Variants in SERPINA3 observed in about 807,000 individuals in gnomAD.
SERPINA3 encodes the protein alpha-1-antichymotrypsin.
In SERPINA3, 32 loss-of-function variants were observed where a neutral mutation model predicts 26.8. That is an observed-to-expected ratio of 1.20 (90% CI 0.90 to 1.61). The LOEUF is 1.61. Ranked by LOEUF, SERPINA3 falls within the 40% of genes most tolerant of loss-of-function variation. SERPINA3 has a pLI of 0.00. For synonymous variants in SERPINA3, 252 were observed against 206.4 expected, an observed-to-expected ratio of 1.22 and a Z score of -1.89; for missense variants, 632 against 517.9, an observed-to-expected ratio of 1.22 and a Z score of -2.14.
At chr14:94,618,858 A>G in intron 2 of SERPINA3, 1 of 452,598 alleles carries the variant, frequency 2.2e-6, no homozygotes. Flanking sequence ...AGGCTGTCCC[A>G]TTTCTCCTCA....
At chr14:94,613,539 C>T (rs1210586061) in intron 1 of SERPINA3, 1 of 152,210 alleles carries the variant, frequency 6.6e-6, no homozygotes, top group East Asian at 1.9e-4. Context: ...CATCATTTAT[C>T]TCACCTGAGC....
chr14:94,623,958 C>A lies in SERPINA3; in HGVS notation c.*144C>A. 3 of 763,002 alleles carry A rather than the reference C, an allele frequency of 3.9e-6. No individual in the cohort carries two copies. Among genetic ancestry groups the A allele is most frequent in the Admixed American group, 3.8e-5 (2 of 52,124 alleles). 47.3% of individuals were successfully genotyped at this position (763,002 alleles called of 1,614,324 possible). A position where few individuals can be genotyped will look rare whatever the true frequency, so the allele number is the denominator to read the frequency against. The stretch of plus-strand genomic sequence containing the variant: ...TCTGCTTATCCTTGGAAGGTGACAG[C>A]GATTCCCTGTGTAGCTCTCACATGC... On this transcript the variant is annotated 3_prime_UTR_variant, in exon 5 of 5. Transcript: ENST00000393078.
intron 2 of SERPINA3, chr14:94,618,455 G>A (rs1305026276): frequency 6.5e-6 from 1 of 152,784 alleles, no homozygotes; most frequent in East Asian, 1.9e-4. Context: ...CAGCCTGACA[G>A]ACACTGAATC....
chr14:94,614,695 C>T lies in SERPINA3; in HGVS notation c.254C>T (p.Ala85Val). Residue 85 changes from alanine to valine, a missense_variant, in exon 2 of 5, where the codon GCC becomes GTC. Physicochemically the swap from Ala to Val is moderately conservative, Grantham distance 64. Coordinates refer to ENST00000393078, the MANE Select transcript of SERPINA3 (RefSeq NM_001085.5). Reference sequence around the variant, plus strand: ...CCACTGAGCATCTCCACCGCCTTGGCCTTCCTGTCTCTGGGGGCCCATAAT... The same window carrying T: ...CCACTGAGCATCTCCACCGCCTTGGTCTTCCTGTCTCTGGGGGCCCATAAT... ...FSPLSISTALAFLSLGAHNTT... is the reference protein window; with the variant it reads ...FSPLSISTALVFLSLGAHNTT... 6.2e-7 allele frequency: 1 copy of T among 1,614,178 alleles called. No homozygotes were observed. Among genetic ancestry groups the T allele is most frequent in the African/African-American group, 1.3e-5 (1 of 75,040 alleles).
chr14:94,615,773 G>C (rs1885972561), intron 2 of SERPINA3, among the ~76,000 whole-genome samples: 1 of 152,220 alleles, frequency 6.6e-6, no homozygotes, highest in African/African-American at 2.4e-5. Flanking sequence ...AACTGGTCCA[G>C]TGCCCAATCC....
At position 94,622,384 on chromosome 14, in the gene SERPINA3, G is replaced by T. The variant is rs778637464; in HGVS notation, c.961G>T (p.Asp321Tyr). The T allele has an allele frequency of 6.2e-7, 1 of 1,614,058 alleles. No homozygotes were observed. Among genetic ancestry groups the T allele is most frequent in the Non-Finnish European group, 8.5e-7 (1 of 1,180,020 alleles). Residue 321 changes from aspartate to tyrosine, a missense_variant, in exon 4 of 5, where the codon GAC (aspartate) becomes TAC (tyrosine). By Grantham distance (160) the Asp-to-Tyr change is radical. Transcript: ENST00000393078. ...LYLPKFSISR[D>Y]YNLNDILLQL... is the part of the protein sequence containing the mutation. Reference sequence around the variant, plus strand: ...CCTGCCAAAGTTTTCCATCTCGAGGGACTATAACCTGAACGACATACTTCT... The same window carrying T: ...CCTGCCAAAGTTTTCCATCTCGAGGTACTATAACCTGAACGACATACTTCT...
At chr14:94,615,148 A>G in intron 2 of SERPINA3, 64 bp downstream of exon 2, 1 of 1,576,894 alleles carries the variant, frequency 6.3e-7, no homozygotes. Context: ...TCCTGACTCA[A>G]CAATGGTGTT....
intron 2 of SERPINA3, 109 bp from the exon 3 acceptor site, chr14:94,619,086 C>A: frequency 1.6e-6 from 2 of 1,261,486 alleles, no homozygotes; most frequent in Non-Finnish European, 2.3e-6. Context: ...TAAACCAAAG[C>A]AGGGTCCCTC....
chr14:94,618,572 T>G lies in SERPINA3; in HGVS notation c.644-623T>G, dbSNP rs990513292. The G allele has an allele frequency of 2.4e-5, 4 of 167,872 alleles. No individual in the cohort carries two copies. In the South Asian group the frequency reaches 6.0e-4, roughly 25 times the overall value. 10.4% of individuals were successfully genotyped at this position (167,872 alleles called of 1,614,324 possible). A position where few individuals can be genotyped will look rare whatever the true frequency, so the allele number is the denominator to read the frequency against. ...TGGCTTTTGTGATGTCCAACACCGC[T>G]ATCCTCTAAGATGTCACAAGTGTCC... On this transcript the variant is annotated intron_variant, in intron 2 of 4. Coordinates refer to ENST00000393078, the MANE Select transcript of SERPINA3 (RefSeq NM_001085.5).
chr14:94,617,722 G>A (rs1403398884), intron 2 of SERPINA3: 3 of 152,154 alleles, frequency 2.0e-5, no homozygotes, highest in African/African-American at 7.2e-5. Context: ...GACTTTATGA[G>A]CTTTTACCAA....
In SERPINA3 at chr14:94,623,858, T is replaced by A. The variant is rs2139967934; in HGVS notation, c.*44T>A. ...GGGGCTCTCAGTAAGGAACTTGGAA[T>A]GCAAGCTGGATGCCTGGGTCTCTGG... is the stretch of plus-strand genomic sequence containing the variant. On this transcript the variant is annotated 3_prime_UTR_variant, in exon 5 of 5. Transcript: ENST00000393078. 3 of 1,564,300 alleles carry A rather than the reference T, an allele frequency of 1.9e-6. No individual in the cohort carries two copies. In the East Asian group the frequency reaches 6.7e-5, roughly 35 times the overall value.
chr14:94,614,594 C>T lies in SERPINA3; in HGVS notation c.153C>T (p.Ser51=), dbSNP rs143142017. Residue 51 remains serine (S), a synonymous_variant, in exon 2 of 5, where the codon TCC becomes TCT. Coordinates refer to ENST00000393078, the MANE Select transcript of SERPINA3 (RefSeq NM_001085.5). The part of the protein sequence containing the change: ...RGTHVDLGLA[S]ANVDFAFSLY... ...CACACGTGGACCTCGGATTAGCCTC[C>T]GCCAACGTGGACTTCGCTTTCAGCC... 80 of 1,614,002 alleles carry T rather than the reference C, an allele frequency of 5.0e-5. No homozygotes were observed. The highest frequency in any genetic ancestry group is 6.4e-5 in the Non-Finnish European group (75 of 1,180,040).
chr14:94,614,467 C>G lies in SERPINA3; in HGVS notation c.26C>G (p.Ala9Gly), dbSNP rs771236701. 1.2e-6 allele frequency: 2 copies of G among 1,613,984 alleles called. No individual in the cohort carries two copies. The highest frequency in any genetic ancestry group is 1.3e-5 in the African/African-American group (1 of 74,932). Residue 9 changes from alanine to glycine, a missense_variant, in exon 2 of 5, where the codon GCT (alanine) becomes GGT (glycine). Transcript: ENST00000393078. ...ATGGAGAGAATGTTACCTCTCCTGGCTCTGGGGCTCTTGGCGGCTGGGTTC... is the reference window on the plus strand; with the variant it reads ...ATGGAGAGAATGTTACCTCTCCTGGGTCTGGGGCTCTTGGCGGCTGGGTTC... MERMLPLL[A>G]LGLLAAGFCP... is the part of the protein sequence containing the mutation.
chr14:94,623,540 G>A, intron 4 of SERPINA3, 71 bp from the exon 5 acceptor site: 2 of 1,410,028 alleles, frequency 1.4e-6, no homozygotes, highest in Non-Finnish European at 2.0e-6. Flanking sequence ...ACCCCTTAGT[G>A]GCACACAGGC....
chr14:94,623,059 T>C (rs138300068), intron 4 of SERPINA3, among the ~76,000 whole-genome samples: 2 of 152,162 alleles, frequency 1.3e-5, no homozygotes, highest in African/African-American at 4.8e-5. Flanking sequence ...ACTCCACCTT[T>C]CAAACAGCAA....
At chr14:94,619,909 T>C (rs1475449241) in intron 3 of SERPINA3, 1 of 220,730 alleles carries the variant, frequency 4.5e-6, no homozygotes, top group East Asian at 1.0e-4. Flanking sequence ...GCACCTACTA[T>C]GTGTCAGACA....
chr14:94,623,563 T>C (rs984919286), intron 4 of SERPINA3, 48 bp from the exon 5 acceptor site: 8 of 1,568,298 alleles, frequency 5.1e-6, no homozygotes, highest in African/African-American at 2.7e-5. Flanking sequence ...GTCGCTGAAC[T>C]CCTGCGCATC....
intron 3 of SERPINA3, among the ~76,000 whole-genome samples, chr14:94,621,830 A>T (rs1886212889): frequency 2.6e-5 from 4 of 152,110 alleles, no homozygotes; most frequent in Admixed American, 2.6e-4. Context: ...CGCCCCGTGG[A>T]GCAACTCCTC....
At chr14:94,613,456 C>T (rs1218308916) in intron 1 of SERPINA3, 2 of 152,178 alleles carry the variant, frequency 1.3e-5, no homozygotes, top group African/African-American at 2.4e-5. Context: ...TCTTCTCTGG[C>T]TTGTAGTTTC....
Sources: gnomAD v4.1 joint callset for allele counts (sites outside exome capture counted in the v4.1 genomes callset) on GRCh38, gnomAD v4.1.1 for gene constraint, MANE v1.5 for transcripts, NCBI Gene and HGNC (gene_info 2026-07-23, HGNC 2026-07-21) for gene names.